The following HMBOX1 variants were observed in gnomAD, a reference collection of about 807,000 sequenced individuals.
HMBOX1 encodes the protein homeobox-containing protein 1.
Under a neutral mutation model 54.5 loss-of-function variants are expected in HMBOX1, and 14 were observed. The ratio of observed to expected loss-of-function variants is 0.26; its 90% CI spans 0.17 to 0.40. The LOEUF is 0.40. Ranked by LOEUF, HMBOX1 falls within the 10% of genes least tolerant of loss-of-function variation. HMBOX1 has a pLI of 1.00. For missense variants in HMBOX1, 332 were observed against 514.4 expected (o/e 0.65, Z 3.43); for synonymous variants, 160 against 181.0 (o/e 0.88, Z 0.93).
At chr8:28,922,347 G>T (rs1300690129) in intron 1 of HMBOX1, among the ~76,000 whole-genome samples, 1 of 152,212 alleles carries the variant, frequency 6.6e-6, no homozygotes, top group Admixed American at 6.5e-5. Context: ...GGATTTTGAT[G>T]TCTGTGGGGA....
intron 4 of HMBOX1, among the ~76,000 whole-genome samples, chr8:28,985,704 G>A (rs1830054066): frequency 1.3e-5 from 2 of 152,020 alleles, no homozygotes; most frequent in South Asian, 4.1e-4. Context: ...TTTAATTATA[G>A]CAATTTCTTT....
rs181175431 is a variant in HMBOX1 at position 28,915,140 on chromosome 8, C to A, written c.-58+24462C>A. Among the ~76,000 whole-genome samples the A allele has an allele frequency of 2.2e-3, 328 of 152,264 alleles. 1 individual carries two copies. The highest frequency in any genetic ancestry group is 7.6e-3 in the African/African-American group (316 of 41,550). On this transcript the variant is annotated intron_variant, in intron 1 of 9. Coordinates refer to ENST00000287701, the MANE Select transcript of HMBOX1 (RefSeq NM_001135726.3). ...GTGTTGTGTTGTTTTACTTTGCATT[C>A]TCAACTTCCTAGAGCAACTCTATCC...
At chr8:29,009,778 T>C (rs943116601) in intron 5 of HMBOX1, 79 of 1,273,804 alleles carry the variant, frequency 6.2e-5, no homozygotes, top group Non-Finnish European at 8.0e-5. Context: ...AATTTATGTC[T>C]AGAGTTGGAA....
intron 1 of HMBOX1, among the ~76,000 whole-genome samples, chr8:28,958,523 T>A (rs992660689): frequency 3.3e-5 from 5 of 152,202 alleles, no homozygotes; most frequent in African/African-American, 9.6e-5. Flanking sequence ...AATAATTTTT[T>A]AAAAAAGCTT....
chr8:28,970,581 T>C lies in HMBOX1; in HGVS notation c.500+62T>C. 9.4e-7 allele frequency: 1 copy of C among 1,061,824 alleles called. No individual in the cohort carries two copies. The highest frequency in any genetic ancestry group is 1.4e-6 in the Non-Finnish European group (1 of 731,040). 65.8% of individuals were successfully genotyped at this position (1,061,824 alleles called of 1,614,324 possible). Reference sequence around the variant, plus strand: ...TCTGTATTCTTAGATTGTTTTTAAGTAGTATGCTGCGTTTCAGCTACTTAG... The same window carrying C: ...TCTGTATTCTTAGATTGTTTTTAAGCAGTATGCTGCGTTTCAGCTACTTAG... On this transcript the variant is annotated intron_variant, in intron 3 of 9. Transcript: ENST00000287701. The surrounding 1 kb of genome is among the most constrained non-coding windows in gnomAD (Gnocchi z 4.3).
intron 5 of HMBOX1, among the ~76,000 whole-genome samples, chr8:29,017,882 T>C (rs1447905448): frequency 6.6e-6 from 1 of 152,218 alleles, no homozygotes; most frequent in Admixed American, 6.5e-5. Flanking sequence ...ATCATTAACA[T>C]AGAATTAACA....
intron 4 of HMBOX1, among the ~76,000 whole-genome samples, chr8:28,998,401 A>C (rs186567167): frequency 6.6e-6 from 1 of 151,858 alleles, no homozygotes; most frequent in East Asian, 1.9e-4. Flanking sequence ...ATTATGTCTT[A>C]TTTTTTCTAG....
intron 1 of HMBOX1, among the ~76,000 whole-genome samples, chr8:28,943,833 A>T (rs1011216941): frequency 6.6e-6 from 1 of 152,220 alleles, no homozygotes; most frequent in Admixed American, 6.5e-5. Context: ...AAGGGATTAC[A>T]TAAGGGATTA....
chr8:28,905,825 C>T (rs1211696663), intron 1 of HMBOX1, among the ~76,000 whole-genome samples: 1 of 152,210 alleles, frequency 6.6e-6, no homozygotes, highest in African/African-American at 2.4e-5. Flanking sequence ...CAGCCAGTCT[C>T]CTGCACTTTG....
intron 1 of HMBOX1, among the ~76,000 whole-genome samples, chr8:28,952,390 C>T (rs926090982): frequency 6.6e-6 from 1 of 151,950 alleles, no homozygotes; most frequent in African/African-American, 2.4e-5. Flanking sequence ...CCCACCACCG[C>T]TTCCGGCTAA....
chr8:28,977,172 A>G (rs537131443), intron 3 of HMBOX1, among the ~76,000 whole-genome samples: 1 of 152,294 alleles, frequency 6.6e-6, no homozygotes, highest in Non-Finnish European at 1.5e-5. Flanking sequence ...GATATTTCCT[A>G]TTTCAATAAT....
intron 4 of HMBOX1, among the ~76,000 whole-genome samples, chr8:28,997,362 T>C (rs1238939418): frequency 6.6e-6 from 1 of 152,206 alleles, no homozygotes; most frequent in Non-Finnish European, 1.5e-5. Flanking sequence ...AAAATAGTTA[T>C]GTGGATTTTG....
chr8:28,890,592 CT>C lies in HMBOX1; in HGVS notation c.-142del, dbSNP rs557973490. The C allele has an allele frequency of 2.0e-5, 3 of 153,038 alleles. No individual in the cohort carries two copies. The highest frequency in any genetic ancestry group is 7.2e-5 in the African/African-American group (3 of 41,526). The allele number at this position is 153,038 out of a possible 1,614,324, so 9.5% of individuals were successfully genotyped here. A position where few individuals can be genotyped will look rare whatever the true frequency, so the allele number is the denominator to read the frequency against. Reference sequence around the variant, plus strand: ...CGGAAGACACCCCTCCCCCTCCCGCCTTCCCTCCTCCCTATCTCAGCCCTTC... The same window carrying C: ...CGGAAGACACCCCTCCCCCTCCCGCCTCCCTCCTCCCTATCTCAGCCCTTC... On this transcript the variant is annotated 5_prime_UTR_variant, in exon 1 of 10. Transcript: ENST00000287701.
intron 4 of HMBOX1, among the ~76,000 whole-genome samples, chr8:28,990,813 C>G (rs1586320123): frequency 6.6e-6 from 1 of 152,108 alleles, no homozygotes; most frequent in African/African-American, 2.4e-5. Flanking sequence ...GCCACCACAC[C>G]TGGCTAATTT....
intron 6 of HMBOX1, among the ~76,000 whole-genome samples, chr8:29,034,585 C>T (rs944032696): frequency 9.9e-5 from 15 of 152,202 alleles, no homozygotes; most frequent in Non-Finnish European, 1.6e-4. Flanking sequence ...GGGCCAGGCA[C>T]GGTGGCTCAC....
At chr8:28,923,753 G>A (rs374738043) in intron 1 of HMBOX1, among the ~76,000 whole-genome samples, 92 of 152,044 alleles carry the variant, frequency 6.1e-4, no homozygotes, top group Non-Finnish European at 1.0e-3. Flanking sequence ...ACTTTTTCAC[G>A]TCCTCACCAA....
chr8:29,018,672 C>A, intron 5 of HMBOX1, 88 bp from the exon 6 acceptor site: 1 of 1,325,724 alleles, frequency 7.5e-7, no homozygotes, highest in Non-Finnish European at 1.0e-6. Context: ...AGCCAAAGAC[C>A]ATACTTCCCT....
intron 6 of HMBOX1, among the ~76,000 whole-genome samples, chr8:29,040,734 T>C (rs1804691271): frequency 6.6e-6 from 1 of 152,176 alleles, no homozygotes; most frequent in African/African-American, 2.4e-5. Context: ...CCATATTGAA[T>C]CAATTCTTAT....
rs549332076 is a variant in HMBOX1 at position 28,996,574 on chromosome 8, TTGTTGATAG to T, written c.587-12493_587-12485del. On this transcript the variant is annotated intron_variant, in intron 4 of 9. Transcript: ENST00000287701. ...GTGGAGGCTGGGTTGTCTTTTCACA[TTGTTGATAG>T]TGTTCTTTGAAGCACACAAGTTTTT... Among the ~76,000 whole-genome samples, 491 of 152,300 alleles carry T rather than the reference TTGTTGATAG, an allele frequency of 3.2e-3. 2 individuals are homozygous for T. Among genetic ancestry groups the T allele is most frequent in the African/African-American group, 0.011 (467 of 41,562 alleles).
Sources: gnomAD v4.1 joint callset for allele counts (sites outside exome capture counted in the v4.1 genomes callset) on GRCh38, gnomAD v4.1.1 for gene constraint, Gnocchi (gnomAD v3.1) non-coding constraint, MANE v1.5 for transcripts, NCBI Gene and HGNC (gene_info 2026-07-23, HGNC 2026-07-21) for gene names.